BRPF1: variants seen among roughly 807,000 people sequenced by gnomAD.
BRPF1 encodes the protein bromodomain and PHD finger containing 1, also known as peregrin.
BRPF1 carries 15 observed loss-of-function variants against 115.0 expected under a neutral mutation model. The observed-to-expected ratio is 0.13, with a 90% CI of 0.09 to 0.20. The LOEUF (loss-of-function observed/expected upper bound fraction) is 0.20, where lower values mean the gene tolerates loss of function less well. Among genes scored for constraint, BRPF1 ranks in the 10% least tolerant of loss-of-function variants. The pLI is 1.00. For missense variants in BRPF1, 1,118 were observed against 1,638.3 expected, an observed-to-expected ratio of 0.68 and a Z score of 5.48; for synonymous variants, 647 against 619.8, an observed-to-expected ratio of 1.04 and a Z score of -0.65.
rs1346287863 is a variant in BRPF1, at chr3:9,742,064, C to T, written c.1894C>T (p.Pro632Ser). 6.2e-7 allele frequency: 1 copy of T among 1,614,058 alleles called. No individual in the cohort carries two copies. Among genetic ancestry groups the T allele is most frequent in the Non-Finnish European group, 8.5e-7 (1 of 1,180,044 alleles). ...GATTGCCATGGAGATGCAGCTGACT[C>T]CTTTCCTCATCCTCCTTCGCAAAAC... ...QQIAMEMQLT[P>S]FLILLRKTLE... The change falls in exon 6 of 14, where the codon CCT (proline) becomes TCT (serine). Residue 632 changes from proline to serine, a missense_variant. Physicochemically the swap from Pro to Ser is moderately conservative, Grantham distance 74. Around this residue, in one of 10 missense-constraint regions of BRPF1, gnomAD observed 178 missense variants for 303.7 expected, o/e 0.59. Transcript: ENST00000383829.
At position 9,745,694 on chromosome 3, in the gene BRPF1, G is replaced by C. The variant is rs368514084; in HGVS notation, c.3190G>C (p.Gly1064Arg). The C allele has an allele frequency of 6.3e-5, 102 of 1,614,082 alleles. No individual in the cohort carries two copies. The highest frequency in any genetic ancestry group is 8.5e-5 in the Non-Finnish European group (100 of 1,180,006). Reference sequence around the variant, plus strand: ...GGCCTACTCCGTGGGCACTGGCCGCGGCGTGGGCCACAGCAGTAAGTTCCC... The same window carrying C: ...GGCCTACTCCGTGGGCACTGGCCGCCGCGTGGGCCACAGCAGTAAGTTCCC... ...NEAYSVGTGR[G>R]VGHSMVRKSL... Residue 1064 changes from glycine (G) to arginine (R), a missense_variant, in exon 11 of 14, where the codon GGC becomes CGC. Gly to Arg is a moderately radical substitution (Grantham distance 125, BLOSUM62 -2). Transcript: ENST00000383829. The surrounding 1 kb of genome is among the most constrained non-coding windows in gnomAD (Gnocchi z 5.1).
At chr3:9,738,916 A>G in intron 2 of BRPF1, 83 bp from the exon 3 acceptor site, 1 of 1,335,408 alleles carries the variant, frequency 7.5e-7, no homozygotes, top group Middle Eastern at 2.3e-4. Context: ...GCACAGAGTA[A>G]GTGCTCAATG....
In BRPF1 at chr3:9,743,108, G is replaced by C. The variant is rs1387100038; in HGVS notation, c.2166G>C (p.Arg722=). ...ACGCCAAGGACACCATCTTCTACCG[G>C]GCAGCAGTGCGGCTTCGTGAGCAGG... is the stretch of plus-strand genomic sequence containing the variant. ...KYNAKDTIFY[R]AAVRLREQGG... Residue 722 remains arginine (R), a synonymous_variant, in exon 7 of 14, where the codon CGG becomes CGC. Transcript: ENST00000383829. This position sits in a 1 kb window ranked among gnomAD's most constrained non-coding sequence, Gnocchi z 6.1. 1 of 1,614,220 alleles carries C rather than the reference G, an allele frequency of 6.2e-7. No homozygotes were observed. The highest frequency in any genetic ancestry group is 1.1e-5 in the South Asian group (1 of 91,084).
At chr3:9,744,871 G>T (rs907852873) in intron 9 of BRPF1, 137 bp from the exon 10 acceptor site, 73 of 1,180,270 alleles carry the variant, frequency 6.2e-5, no homozygotes, top group Non-Finnish European at 4.4e-5. Context: ...CCCAGAGCTA[G>T]CTCTGCTGGC....
At chr3:9,742,808 C>T (rs2077053414) in intron 6 of BRPF1, 136 bp from the exon 7 acceptor site, 1 of 1,003,602 alleles carries the variant, frequency 1.0e-6, no homozygotes, top group Admixed American at 2.8e-5. Flanking sequence ...CTTTCCTTTC[C>T]CCTGTGCTAT....
At chr3:9,740,996 C>T in intron 4 of BRPF1, 55 bp downstream of exon 4, 1 of 1,548,816 alleles carries the variant, frequency 6.5e-7, no homozygotes, top group South Asian at 1.1e-5. Flanking sequence ...GGGACGAAAA[C>T]CAAAATTTGC....
At chr3:9,741,975 T>C (rs1378174743) in intron 5 of BRPF1, 50 bp from the exon 6 acceptor site, 1 of 1,606,334 alleles carries the variant, frequency 6.2e-7, no homozygotes, top group Non-Finnish European at 8.5e-7. Flanking sequence ...CAGACCTCTT[T>C]GCCACTGAAC....
At position 9,741,061 on chromosome 3, in the gene BRPF1, C is replaced by G; in HGVS notation, c.1722+120C>G. 2.6e-6 allele frequency: 3 copies of G among 1,174,288 alleles called. No individual in the cohort carries two copies. The South Asian group carries it at 4.4e-5, about 17-fold the overall frequency. The allele number at this position is 1,174,288 out of a possible 1,614,324, so 72.7% of individuals were successfully genotyped here. On this transcript the variant is annotated intron_variant, in intron 4 of 13. Coordinates refer to ENST00000383829, the MANE Select transcript of BRPF1 (RefSeq NM_001003694.2). ...GACTCTTTCCTCCTTTAAGCTAGCC[C>G]TCAAACCAGGATCAGCATGGAATGT...
intron 5 of BRPF1, 31 bp downstream of exon 5, chr3:9,741,470 A>G: frequency 6.6e-7 from 1 of 1,521,290 alleles, no homozygotes; most frequent in Non-Finnish European, 8.8e-7. Flanking sequence ...CCTATTTTAT[A>G]AAAGAAAAAA....
chr3:9,739,318 G>A lies in BRPF1; in HGVS notation c.919G>A (p.Val307Ile), dbSNP rs2076991264. ...GGCCGTGCACCAGGAGTGCTACGGTGTCCCCTATATCCCTGAGGGCCAGTG... is the reference window on the plus strand; with the variant it reads ...GGCCGTGCACCAGGAGTGCTACGGTATCCCCTATATCCCTGAGGGCCAGTG... Reference protein sequence around the residue: ...NLAVHQECYGVPYIPEGQWLC... With the variant: ...NLAVHQECYGIPYIPEGQWLC... The change falls in exon 3 of 14, where the codon GTC becomes ATC. Residue 307 changes from valine (V) to isoleucine (I), a missense_variant. Transcript: ENST00000383829. The A allele has an allele frequency of 3.1e-6, 5 of 1,614,090 alleles. No homozygotes were observed. Among genetic ancestry groups the A allele is most frequent in the Admixed American group, 1.7e-5 (1 of 60,002 alleles).
intron 6 of BRPF1, 88 bp from the exon 7 acceptor site, chr3:9,742,856 A>C (rs1055967966): frequency 7.2e-7 from 1 of 1,395,592 alleles, no homozygotes; most frequent in Non-Finnish European, 9.8e-7. Context: ...AGGTTGCTGG[A>C]TGTGTTTCAG....
intron 12 of BRPF1, 115 bp downstream of exon 12, chr3:9,746,045 A>T: frequency 8.0e-7 from 1 of 1,254,546 alleles, no homozygotes; most frequent in Non-Finnish European, 1.1e-6. Context: ...TTGGTAAGGT[A>T]GACTGGTGGG....
At chr3:9,742,198 C>T in intron 6 of BRPF1, 27 bp downstream of exon 6, 2 of 1,611,632 alleles carry the variant, frequency 1.2e-6, no homozygotes, top group African/African-American at 2.7e-5. Flanking sequence ...CTCACTCCAC[C>T]TTCTCTCTGT....
At chr3:9,741,957 C>A in intron 5 of BRPF1, 68 bp from the exon 6 acceptor site, 1 of 1,587,652 alleles carries the variant, frequency 6.3e-7, no homozygotes, top group Non-Finnish European at 8.6e-7. Context: ...CAGCTGGGAC[C>A]ATATCCTCAG....
chr3:9,742,777 A>G (rs1434985571), intron 6 of BRPF1, among the ~76,000 whole-genome samples, 167 bp from the exon 7 acceptor site: 2 of 152,352 alleles, frequency 1.3e-5, no homozygotes, highest in East Asian at 1.9e-4. Context: ...TGTGACTGGT[A>G]AAGTCAGGAC....
chr3:9,741,128 C>G (rs1455474893), intron 4 of BRPF1, among the ~76,000 whole-genome samples, 180 bp from the exon 5 acceptor site: 1 of 152,190 alleles, frequency 6.6e-6, no homozygotes, highest in Non-Finnish European at 1.5e-5. Flanking sequence ...TGTATTCATT[C>G]AACAAACACA....
In BRPF1 at chr3:9,739,870, C is replaced by T. The variant is rs1419990343; in HGVS notation, c.1471C>T (p.Arg491Trp). 6 of 1,584,648 alleles carry T rather than the reference C, an allele frequency of 3.8e-6. No individual in the cohort carries two copies. The highest frequency in any genetic ancestry group is 1.9e-5 in the Admixed American group (1 of 53,650). Reference protein sequence around the residue: ...EKVKKAKAKSRIKMKKARKIL... With the variant: ...EKVKKAKAKSWIKMKKARKIL... ...AGTCAAGAAGGCCAAGGCCAAGTCC[C>T]GGATCAAAATGAAGAAGGCACGGAA... The change falls in exon 3 of 14, where the codon CGG (arginine) becomes TGG (tryptophan). Residue 491 changes from arginine (R) to tryptophan (W), a missense_variant. Physicochemically the swap from Arg to Trp is moderately radical, Grantham distance 101. Around this residue, in one of 10 missense-constraint regions of BRPF1, gnomAD observed 178 missense variants for 303.7 expected, o/e 0.59. Transcript: ENST00000383829.
rs78493343 is a variant in BRPF1 at position 9,738,953 on chromosome 3, G to C, written c.600-46G>C. The C allele has an allele frequency of 2.7e-4, 404 of 1,514,864 alleles. 5 individuals carry two copies. In the East Asian group the frequency reaches 8.7e-3, roughly 33 times the overall value. The allele number at this position is 1,514,864 out of a possible 1,614,324, so 93.8% of individuals were successfully genotyped here. On this transcript the variant is annotated intron_variant, in intron 2 of 13. Coordinates refer to ENST00000383829, the MANE Select transcript of BRPF1 (RefSeq NM_001003694.2). ...CAAATGACCCATCATCTTTAAGGGA[G>C]GGAAATCTCAACCATGTGATGCTGA...
chr3:9,742,078 C>T lies in BRPF1; in HGVS notation c.1908C>T (p.Leu636=), dbSNP rs1212541409. 12 of 1,614,230 alleles carry T rather than the reference C, an allele frequency of 7.4e-6. No individual in the cohort carries two copies. In the Middle Eastern group the frequency reaches 6.6e-4, roughly 89 times the overall value. Reference sequence around the variant, plus strand: ...TGCAGCTGACTCCTTTCCTCATCCTCCTTCGCAAAACCTTGGAGCAGCTCC... The same window carrying T: ...TGCAGCTGACTCCTTTCCTCATCCTTCTTCGCAAAACCTTGGAGCAGCTCC... ...MEMQLTPFLI[L]LRKTLEQLQE... Residue 636 remains leucine (L), a synonymous_variant, in exon 6 of 14, where the codon CTC becomes CTT. Transcript: ENST00000383829.
Sources: allele counts gnomAD v4.1 joint callset (sites outside exome capture counted in the v4.1 genomes callset), GRCh38; gene constraint gnomAD v4.1.1; regional missense constraint gnomAD v4.1.1; non-coding constraint Gnocchi (gnomAD v3.1); transcripts MANE v1.5; gene names NCBI Gene and HGNC (gene_info 2026-07-23, HGNC 2026-07-21).